The following LHFPL3 variants were observed in gnomAD, a reference collection of about 807,000 sequenced individuals.
LHFPL3 encodes LHFPL tetraspan subfamily member 3 protein.
Under a neutral mutation model 19.3 loss-of-function variants are expected in LHFPL3, and 5 were observed. The observed-to-expected ratio is 0.26, with a 90% CI of 0.14 to 0.54. The LOEUF (loss-of-function observed/expected upper bound fraction) is 0.54, where lower values mean the gene tolerates loss of function less well. Ranked by LOEUF, LHFPL3 falls within the 20% of genes least tolerant of loss-of-function variation. The pLI is 0.94. For synonymous variants in LHFPL3, 133 were observed against 126.2 expected (o/e 1.05, Z -0.36); for missense variants, 249 against 307.4 (o/e 0.81, Z 1.42).
intron 1 of LHFPL3, among the ~76,000 whole-genome samples, chr7:104,441,866 G>A (rs376593331): frequency 7.2e-5 from 11 of 152,136 alleles, no homozygotes; most frequent in African/African-American, 1.4e-4. Flanking sequence ...GAGCCACTGC[G>A]CCTGGCTGAG....
chr7:104,559,263 C>T (rs1190712105), intron 1 of LHFPL3, among the ~76,000 whole-genome samples: 4 of 141,700 alleles, frequency 2.8e-5, no homozygotes, highest in African/African-American at 1.1e-4. Flanking sequence ...CTGTAAATTA[C>T]CTTGGGCAGT....
intron 1 of LHFPL3, among the ~76,000 whole-genome samples, chr7:104,681,779 A>C (rs60126491): frequency 0.017 from 2,662 of 152,284 alleles, 90 homozygotes; most frequent in African/African-American, 0.061. Flanking sequence ...TGTTCCCACA[A>C]GTATTCTTTC....
intron 2 of LHFPL3, chr7:104,826,635 G>T: frequency 6.5e-6 from 1 of 154,936 alleles, no homozygotes. Context: ...CCTCTCCAAT[G>T]GAATGGATCT....
At chr7:104,370,817 G>C (rs1790599952) in intron 1 of LHFPL3, among the ~76,000 whole-genome samples, 1 of 152,218 alleles carries the variant, frequency 6.6e-6, no homozygotes, top group Non-Finnish European at 1.5e-5. Flanking sequence ...GGGAGGCGGA[G>C]GTTGCAGTGA....
At chr7:104,372,027 TC>T (rs1281149876) in intron 1 of LHFPL3, among the ~76,000 whole-genome samples, 1 of 152,202 alleles carries the variant, frequency 6.6e-6, no homozygotes, top group African/African-American at 2.4e-5. Flanking sequence ...AAAGTTACAG[TC>T]CATTTAAGAA....
intron 1 of LHFPL3, among the ~76,000 whole-genome samples, chr7:104,394,231 A>G (rs1047283604): frequency 1.3e-5 from 2 of 152,202 alleles, no homozygotes; most frequent in Non-Finnish European, 2.9e-5. Flanking sequence ...ATTAAAATGC[A>G]TGCTCTGATT....
At chr7:104,491,207 A>G (rs112048900) in intron 1 of LHFPL3, among the ~76,000 whole-genome samples, 5 of 152,130 alleles carry the variant, frequency 3.3e-5, no homozygotes, top group Non-Finnish European at 5.9e-5. Flanking sequence ...TACCTTTTGC[A>G]TCAGCAATCA....
chr7:104,432,501 C>T (rs942685868), intron 1 of LHFPL3, among the ~76,000 whole-genome samples: 1 of 152,176 alleles, frequency 6.6e-6, no homozygotes, highest in East Asian at 1.9e-4. Context: ...TCCTTTCTCA[C>T]CCTCCACGTC....
intron 1 of LHFPL3, among the ~76,000 whole-genome samples, chr7:104,689,368 T>C (rs1202289102): frequency 6.6e-6 from 1 of 152,172 alleles, no homozygotes; most frequent in Non-Finnish European, 1.5e-5. Flanking sequence ...TAATTAATCA[T>C]GGTGTTCCTA....
chr7:104,544,304 G>C (rs1794541326), intron 1 of LHFPL3, among the ~76,000 whole-genome samples: 1 of 152,126 alleles, frequency 6.6e-6, no homozygotes, highest in Non-Finnish European at 1.5e-5. Flanking sequence ...CATAGGTTTT[G>C]GGGGAAAATC....
chr7:104,542,576 C>T (rs1794506605), intron 1 of LHFPL3, among the ~76,000 whole-genome samples: 1 of 152,034 alleles, frequency 6.6e-6, no homozygotes, highest in Non-Finnish European at 1.5e-5. Flanking sequence ...GGAATCTTGG[C>T]CAAGAGACCA....
chr7:104,582,675 C>T lies in LHFPL3; in HGVS notation c.446-154000C>T, dbSNP rs376774705. On this transcript the variant is annotated intron_variant, in intron 1 of 2. Coordinates refer to ENST00000424859, the MANE Select transcript of LHFPL3 (RefSeq NM_199000.3). ...AATGGGTGTTGAATTTTGTCAAATGCTTTTTCTGCATCCATTGAGATTATC... is the reference window on the plus strand; with the variant it reads ...AATGGGTGTTGAATTTTGTCAAATGTTTTTTCTGCATCCATTGAGATTATC... 9.9e-5 allele frequency among the ~76,000 whole-genome samples: 15 copies of T among 151,886 alleles called. No individual in the cohort carries two copies. In the South Asian group the frequency reaches 3.1e-3, roughly 32 times the overall value.
chr7:104,610,956 A>AT (rs1177720178), intron 1 of LHFPL3, among the ~76,000 whole-genome samples: 1 of 152,092 alleles, frequency 6.6e-6, no homozygotes, highest in Non-Finnish European at 1.5e-5. Context: ...CCATCTAGCC[A>AT]TTTTTTTCAT....
In LHFPL3 at chr7:104,344,973, G is replaced by A. The variant is rs571131577; in HGVS notation, c.445+15749G>A. ...TTTTGTCTTTGAGAAAAAAATTTGT[G>A]TATGAATCAAATGTCTGTTTTTGGA... On this transcript the variant is annotated intron_variant, in intron 1 of 2. Coordinates refer to ENST00000424859, the MANE Select transcript of LHFPL3 (RefSeq NM_199000.3). Among the ~76,000 whole-genome samples the A allele has an allele frequency of 2.6e-5, 4 of 152,226 alleles. 2 individuals carry two copies. Among genetic ancestry groups the A allele is most frequent in the African/African-American group, 9.6e-5 (4 of 41,550 alleles).
At position 104,830,839 on chromosome 7, in the gene LHFPL3, G is replaced by A. The variant is rs538338655; in HGVS notation, c.683-75348G>A. On this transcript the variant is annotated intron_variant, in intron 2 of 2. Transcript: ENST00000424859. Reference sequence around the variant, plus strand: ...AGGCTGTTTTTTGCCTTTTAAAAGGGATTGCTGGGCTTCTCATGGAATATA... The same window carrying A: ...AGGCTGTTTTTTGCCTTTTAAAAGGAATTGCTGGGCTTCTCATGGAATATA... Among the ~76,000 whole-genome samples, 16 of 151,982 alleles carry A rather than the reference G, an allele frequency of 1.1e-4. No homozygotes were observed. The South Asian group carries it at 2.5e-3, about 24-fold the overall frequency.
At chr7:104,571,663 G>C (rs1378498909) in intron 1 of LHFPL3, among the ~76,000 whole-genome samples, 9 of 152,194 alleles carry the variant, frequency 5.9e-5, no homozygotes, top group African/African-American at 2.2e-4. Flanking sequence ...TATGTTCACT[G>C]ATTAACCTGA....
At chr7:104,430,392 AT>A (rs1359029432) in intron 1 of LHFPL3, among the ~76,000 whole-genome samples, 1 of 56,564 alleles carries the variant, frequency 1.8e-5, no homozygotes, top group South Asian at 5.7e-4. Context: ...ACATATATAT[AT>A]ATATATATAT....
At chr7:104,819,168 A>G (rs13246819) in intron 2 of LHFPL3, among the ~76,000 whole-genome samples, 13,993 of 151,914 alleles carry the variant, frequency 0.092, 920 homozygotes, top group Non-Finnish European at 0.13. Flanking sequence ...ATCCTGCTTT[A>G]AAAAAAATAT....
chr7:104,663,490 C>T (rs2115998287), intron 1 of LHFPL3, among the ~76,000 whole-genome samples: 1 of 152,296 alleles, frequency 6.6e-6, no homozygotes, highest in South Asian at 2.1e-4. Flanking sequence ...CCTCATTGAG[C>T]ATTGATCCAG....
Sources: gnomAD v4.1 joint callset for allele counts (sites outside exome capture counted in the v4.1 genomes callset) on GRCh38, gnomAD v4.1.1 for gene constraint, MANE v1.5 for transcripts, NCBI Gene and HGNC (gene_info 2026-07-23, HGNC 2026-07-21) for gene names.